The following SPAG16 variants were observed in gnomAD, a reference collection of about 807,000 sequenced individuals.
SPAG16 encodes the protein sperm-associated antigen 16 protein.
A neutral mutation model predicts 80.4 loss-of-function variants in SPAG16; 86 were observed. The ratio of observed to expected loss-of-function variants is 1.07; its 90% CI spans 0.90 to 1.28. The LOEUF (loss-of-function observed/expected upper bound fraction) is 1.28. Ranked by LOEUF, SPAG16 falls within the 50% of genes most tolerant of loss-of-function variation. The probability of loss-of-function intolerance (pLI) is 0.00; values close to 1 mark genes in which losing one functional copy is unlikely to be tolerated. For missense variants in SPAG16, 870 were observed against 765.3 expected (o/e 1.14, Z -1.61); for synonymous variants, 294 against 265.9 (o/e 1.11, Z -1.03).
intron 15 of SPAG16, among the ~76,000 whole-genome samples, chr2:214,151,887 A>C (rs1012044932): frequency 6.6e-6 from 1 of 152,206 alleles, no homozygotes; most frequent in South Asian, 2.1e-4. Flanking sequence ...GAGATATTTC[A>C]TATAAGGAAT....
In SPAG16 at chr2:213,670,434, A is replaced by G. The variant is rs1013941952; in HGVS notation, c.1070+180344A>G. 9.9e-5 allele frequency among the ~76,000 whole-genome samples: 15 copies of G among 152,162 alleles called. 1 individual carries two copies. Among genetic ancestry groups the G allele is most frequent in the Middle Eastern group, 3.4e-3 (1 of 294 alleles). The stretch of plus-strand genomic sequence containing the variant: ...CTCATATCACAAACTTTTTTTTCTC[A>G]TAAACTGTTGTGTCACTAGTATAAT... On this transcript the variant is annotated intron_variant, in intron 10 of 15. Coordinates refer to ENST00000331683, the MANE Select transcript of SPAG16 (RefSeq NM_024532.5).
intron 11 of SPAG16, among the ~76,000 whole-genome samples, chr2:213,903,917 G>A (rs1001720014): frequency 4.6e-5 from 7 of 152,142 alleles, no homozygotes; most frequent in Non-Finnish European, 8.8e-5. Flanking sequence ...GGGGCAAAGT[G>A]TCTTTGCTAA....
At chr2:214,092,902 T>C (rs563646400) in intron 13 of SPAG16, among the ~76,000 whole-genome samples, 14 of 150,438 alleles carry the variant, frequency 9.3e-5, no homozygotes, top group African/African-American at 3.4e-4. Flanking sequence ...CTCTTGTGCC[T>C]TGATTCTTCA....
At chr2:214,172,742 C>T (rs889404138) in intron 15 of SPAG16, among the ~76,000 whole-genome samples, 33 of 152,030 alleles carry the variant, frequency 2.2e-4, no homozygotes, top group Non-Finnish European at 3.8e-4. Flanking sequence ...TCCTATTTCT[C>T]CACATCCTCT....
chr2:213,624,301 C>A (rs193182850), intron 10 of SPAG16, among the ~76,000 whole-genome samples: 6 of 152,138 alleles, frequency 3.9e-5, no homozygotes, highest in Admixed American at 3.3e-4. Flanking sequence ...ATTTAGGAGA[C>A]ACATTAATCT....
chr2:213,751,160 T>C (rs2068060452), intron 10 of SPAG16, among the ~76,000 whole-genome samples: 1 of 152,092 alleles, frequency 6.6e-6, no homozygotes, highest in African/African-American at 2.4e-5. Context: ...CTAAAGAAAA[T>C]GTACTTATAT....
intron 9 of SPAG16, among the ~76,000 whole-genome samples, chr2:213,467,513 G>T (rs567461743): frequency 6.6e-6 from 1 of 152,194 alleles, no homozygotes; most frequent in Non-Finnish European, 1.5e-5. Context: ...AAAATATCAG[G>T]TTAAAGTTTT....
At chr2:213,550,217 C>CTT (rs146200781) in intron 10 of SPAG16, among the ~76,000 whole-genome samples, 80 of 148,766 alleles carry the variant, frequency 5.4e-4, no homozygotes, top group African/African-American at 1.9e-3. Context: ...ATATCACAGA[C>CTT]TTTTTTTTTT....
intron 11 of SPAG16, among the ~76,000 whole-genome samples, chr2:213,913,553 G>A (rs989218771): frequency 6.8e-6 from 1 of 146,906 alleles, no homozygotes; most frequent in Admixed American, 6.8e-5. Flanking sequence ...TGTATTGTGT[G>A]TATCTCTCTG....
intron 12 of SPAG16, among the ~76,000 whole-genome samples, chr2:213,932,202 G>T (rs150730995): frequency 0.011 from 1,238 of 114,818 alleles, 28 homozygotes; most frequent in African/African-American, 0.044. Flanking sequence ...ATATATATTT[G>T]TTGTTGTTGT....
At chr2:213,797,325 A>G (rs1387830635) in intron 10 of SPAG16, among the ~76,000 whole-genome samples, 2 of 152,182 alleles carry the variant, frequency 1.3e-5, no homozygotes, top group Admixed American at 1.3e-4. Context: ...AGGCCTTCAC[A>G]TTCACTCACC....
intron 10 of SPAG16, among the ~76,000 whole-genome samples, chr2:213,540,537 A>G (rs1039373806): frequency 3.3e-5 from 5 of 152,062 alleles, no homozygotes; most frequent in South Asian, 2.1e-4. Context: ...TTCTGTCATT[A>G]TTTCTTTTCA....
chr2:214,149,815 A>C (rs898307203), intron 15 of SPAG16, among the ~76,000 whole-genome samples: 6 of 152,080 alleles, frequency 3.9e-5, no homozygotes, highest in East Asian at 1.9e-4. Context: ...TGATATAAGT[A>C]TTATCAATTA....
At chr2:213,664,598 A>G (rs956042081) in intron 10 of SPAG16, among the ~76,000 whole-genome samples, 30 of 151,974 alleles carry the variant, frequency 2.0e-4, no homozygotes, top group African/African-American at 7.2e-4. Context: ...TTGAAAAACT[A>G]GTTTTTTCCT....
At chr2:213,935,201 CAA>C (rs397872306) in intron 12 of SPAG16, among the ~76,000 whole-genome samples, 57,127 of 102,024 alleles carry the variant, frequency 0.56, 13,501 homozygotes, top group South Asian at 0.67. Flanking sequence ...GACTCCATCT[CAA>C]AAAAAAAAAA....
rs1272713013 is a variant in SPAG16 at position 213,310,171 on chromosome 2, C to G, written c.392C>G (p.Ser131Cys). ...ACCAGAACTCTTGATTGCTTTCAGTCTGAATGGTAAACAATTATGTAGATA... is the reference window on the plus strand; with the variant it reads ...ACCAGAACTCTTGATTGCTTTCAGTGTGAATGGTAAACAATTATGTAGATA... ...GMTRTLDCFQ[S>C]EWYELIQKGV... Residue 131 changes from serine to cysteine, a missense_variant, in exon 4 of 16, where the codon TCT becomes TGT. Transcript: ENST00000331683. 6.3e-7 allele frequency: 1 copy of G among 1,588,564 alleles called. No individual in the cohort carries two copies. Among genetic ancestry groups the G allele is most frequent in the South Asian group, 1.1e-5 (1 of 89,134 alleles).
At chr2:214,074,014 G>A (rs1464046584) in intron 13 of SPAG16, among the ~76,000 whole-genome samples, 1 of 152,138 alleles carries the variant, frequency 6.6e-6, no homozygotes, top group African/African-American at 2.4e-5. Context: ...TTAGGAGTGA[G>A]GCTATTGGGA....
intron 10 of SPAG16, among the ~76,000 whole-genome samples, chr2:213,855,885 G>A (rs1207049768): frequency 2.0e-5 from 3 of 152,106 alleles, no homozygotes; most frequent in African/African-American, 7.2e-5. Flanking sequence ...GGTACACAGA[G>A]CCAAACCATA....
At chr2:213,777,392 A>G (rs1266509318) in intron 10 of SPAG16, among the ~76,000 whole-genome samples, 2 of 151,164 alleles carry the variant, frequency 1.3e-5, no homozygotes, top group African/African-American at 2.4e-5. Flanking sequence ...GATTACAGTC[A>G]TGTACCACAA....
Sources: allele counts gnomAD v4.1 joint callset (sites outside exome capture counted in the v4.1 genomes callset), GRCh38; gene constraint gnomAD v4.1.1; transcripts MANE v1.5; gene names NCBI Gene and HGNC (gene_info 2026-07-23, HGNC 2026-07-21).